The following FAT3 variants were observed in gnomAD, a reference collection of about 807,000 sequenced individuals.
FAT3 encodes the protein FAT atypical cadherin 3.
FAT3 carries 95 observed loss-of-function variants against 310.2 expected under a neutral mutation model. The observed-to-expected ratio is 0.31, with a 90% CI of 0.26 to 0.36. FAT3 has a LOEUF of 0.36. Among genes scored for constraint, FAT3 ranks in the 10% least tolerant of loss-of-function variants. The pLI is 1.00. For synonymous variants in FAT3, 2,314 were observed against 2,192.9 expected, an observed-to-expected ratio of 1.06 and a Z score of -1.54; for missense variants, 5,408 against 5,715.6, an observed-to-expected ratio of 0.95 and a Z score of 1.74.
intron 3 of FAT3, among the ~76,000 whole-genome samples, chr11:92,624,660 C>T (rs751654664): frequency 2.0e-5 from 3 of 152,104 alleles, no homozygotes; most frequent in Non-Finnish European, 4.4e-5. Flanking sequence ...ATCAGTGGGA[C>T]CATAGACTGC....
chr11:92,305,221 G>A (rs1224548891), intron 1 of FAT3, among the ~76,000 whole-genome samples: 1 of 152,032 alleles, frequency 6.6e-6, no homozygotes, highest in Non-Finnish European at 1.5e-5. Context: ...GCACTGAGAG[G>A]TCTTATTTTA....
At chr11:92,259,880 T>C (rs1386167043) in intron 1 of FAT3, among the ~76,000 whole-genome samples, 2 of 152,100 alleles carry the variant, frequency 1.3e-5, no homozygotes, top group Non-Finnish European at 2.9e-5. Context: ...CCTCTTCCTT[T>C]TGGTGTTTTT....
At chr11:92,281,089 T>A (rs1045642920) in intron 1 of FAT3, among the ~76,000 whole-genome samples, 1 of 152,194 alleles carries the variant, frequency 6.6e-6, no homozygotes, top group African/African-American at 2.4e-5. Flanking sequence ...TAATAACTAC[T>A]GTGCAATATT....
At chr11:92,436,063 C>A (rs920565090) in intron 2 of FAT3, among the ~76,000 whole-genome samples, 7 of 152,108 alleles carry the variant, frequency 4.6e-5, no homozygotes, top group African/African-American at 1.7e-4. Context: ...ATTCACAGGC[C>A]AGAAGGGCTC....
At position 92,248,466 on chromosome 11, in the gene FAT3, A is replaced by G. The variant is rs536779931; in HGVS notation, c.-18+23292A>G. Among the ~76,000 whole-genome samples the G allele has an allele frequency of 4.6e-5, 7 of 152,292 alleles. No individual in the cohort carries two copies. The South Asian group carries it at 1.4e-3, about 32-fold the overall frequency. ...GAGAAAGATTACTAGAATAGCTGTC[A>G]GGTGTTATAAATACCATATCTGTAT... On this transcript the variant is annotated intron_variant, in intron 1 of 27. Transcript: ENST00000525166.
intron 1 of FAT3, among the ~76,000 whole-genome samples, chr11:92,295,004 A>C (rs1946812417): frequency 6.6e-6 from 1 of 152,088 alleles, no homozygotes; most frequent in Non-Finnish European, 1.5e-5. Context: ...TTTCCTTTAA[A>C]GGTCTTTCTG....
chr11:92,343,255 A>G (rs189481320), intron 1 of FAT3, among the ~76,000 whole-genome samples: 96 of 152,308 alleles, frequency 6.3e-4, no homozygotes, highest in African/African-American at 2.1e-3. Flanking sequence ...ATTATGATGA[A>G]AAAGGTTGGG....
chr11:92,414,394 C>G (rs2134943247), intron 2 of FAT3, among the ~76,000 whole-genome samples: 1 of 152,272 alleles, frequency 6.6e-6, no homozygotes, highest in Middle Eastern at 3.4e-3. Flanking sequence ...CTGGTCAATA[C>G]AGAGTACTTT....
chr11:92,518,972 A>G (rs910106927), intron 2 of FAT3, among the ~76,000 whole-genome samples: 2 of 152,100 alleles, frequency 1.3e-5, no homozygotes, highest in Non-Finnish European at 2.9e-5. Context: ...AGTTCTTACC[A>G]AATTGATTTA....
At chr11:92,375,154 C>T (rs1323683897) in intron 2 of FAT3, among the ~76,000 whole-genome samples, 2 of 151,760 alleles carry the variant, frequency 1.3e-5, no homozygotes, top group African/African-American at 4.8e-5. Flanking sequence ...ACAGGGTCAC[C>T]CTGTCTCTGT....
At chr11:92,403,779 G>A (rs542129968) in intron 2 of FAT3, among the ~76,000 whole-genome samples, 9 of 152,290 alleles carry the variant, frequency 5.9e-5, no homozygotes, top group African/African-American at 2.2e-4. Flanking sequence ...GTTCGCACCT[G>A]TAATCCAAAC....
chr11:92,675,642 T>C (rs545619277), intron 3 of FAT3, among the ~76,000 whole-genome samples: 1 of 152,316 alleles, frequency 6.6e-6, no homozygotes, highest in South Asian at 2.1e-4. Flanking sequence ...GTTATAATCA[T>C]ACTGTCTTAG....
intron 3 of FAT3, among the ~76,000 whole-genome samples, chr11:92,679,828 C>T (rs111932098): frequency 0.03 from 3,473 of 114,026 alleles, 173 homozygotes; most frequent in African/African-American, 0.11. Context: ...GGCGACAGAG[C>T]GAGACTCCAT....
chr11:92,418,857 G>T (rs1270957875), intron 2 of FAT3, among the ~76,000 whole-genome samples: 1 of 152,110 alleles, frequency 6.6e-6, no homozygotes, highest in Non-Finnish European at 1.5e-5. Flanking sequence ...CAAAGAGAGA[G>T]CCCTGTCCTT....
intron 2 of FAT3, among the ~76,000 whole-genome samples, chr11:92,488,949 A>C (rs1004401647): frequency 1.3e-5 from 2 of 152,162 alleles, no homozygotes; most frequent in African/African-American, 2.4e-5. Context: ...AAAACTAGGA[A>C]AGTTAATATC....
At chr11:92,821,236 T>G (rs567050208) in intron 13 of FAT3, among the ~76,000 whole-genome samples, 14 of 152,178 alleles carry the variant, frequency 9.2e-5, no homozygotes, top group Non-Finnish European at 5.9e-5. Context: ...ATGACTTAAT[T>G]AGTGGCAAAG....
chr11:92,256,607 T>C (rs1865329111), intron 1 of FAT3, among the ~76,000 whole-genome samples: 1 of 152,152 alleles, frequency 6.6e-6, no homozygotes, highest in Non-Finnish European at 1.5e-5. Flanking sequence ...CCTTTCTAAA[T>C]GCAAGGTGCT....
intron 7 of FAT3, among the ~76,000 whole-genome samples, chr11:92,774,391 T>C (rs925897581): frequency 2.0e-5 from 3 of 152,236 alleles, no homozygotes; most frequent in Non-Finnish European, 4.4e-5. Flanking sequence ...TTGTGATTGA[T>C]CATGCATGGA....
chr11:92,832,725 A>G (rs906547410), intron 14 of FAT3, among the ~76,000 whole-genome samples: 5 of 152,150 alleles, frequency 3.3e-5, no homozygotes, highest in African/African-American at 1.2e-4. Context: ...AACTTAAGTC[A>G]TATGTGCACA....
Sources: gnomAD v4.1 joint callset for allele counts (sites outside exome capture counted in the v4.1 genomes callset) on GRCh38, gnomAD v4.1.1 for gene constraint, MANE v1.5 for transcripts, NCBI Gene and HGNC (gene_info 2026-07-23, HGNC 2026-07-21) for gene names.